The following VPS13B variants were observed in gnomAD, a reference collection of about 807,000 sequenced individuals.
VPS13B encodes the protein intermembrane lipid transfer protein VPS13B.
In VPS13B, 285 loss-of-function variants were observed where a neutral mutation model predicts 426.4. The ratio of observed to expected loss-of-function variants is 0.67; its 90% CI spans 0.61 to 0.74. The LOEUF (loss-of-function observed/expected upper bound fraction) is 0.74. Ranked by LOEUF, VPS13B falls within the 30% of genes least tolerant of loss-of-function variation. The pLI, the probability that VPS13B is intolerant of heterozygous loss-of-function variation, is 0.00. For missense variants in VPS13B, 4,537 were observed against 4,782.6 expected (o/e 0.95, Z 1.51); for synonymous variants, 1,676 against 1,676.4 (o/e 1.00, Z 0.01).
At chr8:99,232,609 G>A (rs1763683308) in intron 17 of VPS13B, among the ~76,000 whole-genome samples, 1 of 152,170 alleles carries the variant, frequency 6.6e-6, no homozygotes, top group Non-Finnish European at 1.5e-5. Context: ...GGCACCCTGC[G>A]TAACCCGCAG....
chr8:99,855,281 C>A (rs895015796), intron 56 of VPS13B, among the ~76,000 whole-genome samples: 10 of 152,086 alleles, frequency 6.6e-5, no homozygotes, highest in African/African-American at 2.4e-4. Flanking sequence ...ACTACTGAGG[C>A]TGAGGTGGGA....
chr8:99,228,840 C>T (rs185008545), intron 17 of VPS13B, among the ~76,000 whole-genome samples: 97 of 151,874 alleles, frequency 6.4e-4, no homozygotes, highest in Middle Eastern at 3.4e-3. Context: ...AAAAGGAAGC[C>T]GTGAGAAAAC....
rs1015938427 is a variant in VPS13B, at chr8:99,857,681, G to A, written c.10868-1623G>A. 2.1e-4 allele frequency among the ~76,000 whole-genome samples: 32 copies of A among 152,178 alleles called. No individual in the cohort carries two copies. In the South Asian group the frequency reaches 2.3e-3, roughly 11 times the overall value. On this transcript the variant is annotated intron_variant, in intron 56 of 61. Transcript: ENST00000357162. Reference sequence around the variant, plus strand: ...TCCTCCTTTTCCTGCCTGTGAGGCCGTGGAAGCAGTACCACCATGTTGCAT... The same window carrying A: ...TCCTCCTTTTCCTGCCTGTGAGGCCATGGAAGCAGTACCACCATGTTGCAT...
intron 24 of VPS13B, among the ~76,000 whole-genome samples, chr8:99,479,150 T>TG (rs1819904922): frequency 6.6e-6 from 1 of 152,188 alleles, no homozygotes; most frequent in South Asian, 2.1e-4. Flanking sequence ...GATCATCCCC[T>TG]GCGCTTGGCT....
At chr8:99,863,223 A>G (rs1412960675) in intron 58 of VPS13B, among the ~76,000 whole-genome samples, 2 of 152,152 alleles carry the variant, frequency 1.3e-5, no homozygotes, top group South Asian at 4.1e-4. Flanking sequence ...TATCATTATC[A>G]TAGTATGGTA....
chr8:99,058,833 A>G (rs879614374), intron 3 of VPS13B, among the ~76,000 whole-genome samples: 6 of 152,282 alleles, frequency 3.9e-5, no homozygotes, highest in Non-Finnish European at 8.8e-5. Context: ...ATGGAATTTT[A>G]CTTTAGGATG....
chr8:99,240,854 T>A (rs1249614512), intron 17 of VPS13B: 1 of 152,664 alleles, frequency 6.6e-6, no homozygotes, highest in Admixed American at 6.5e-5. Context: ...TATTGTTCTC[T>A]CTGGACCTGT....
intron 19 of VPS13B, among the ~76,000 whole-genome samples, chr8:99,325,322 A>G (rs2133138705): frequency 6.6e-6 from 1 of 152,296 alleles, no homozygotes; most frequent in East Asian, 1.9e-4. Context: ...CTCACCGTCA[A>G]TCACAGAATT....
chr8:99,042,946 GTAAT>G (rs1843040445), intron 3 of VPS13B, among the ~76,000 whole-genome samples: 1 of 152,140 alleles, frequency 6.6e-6, no homozygotes. Flanking sequence ...CTGTGTCAGT[GTAAT>G]TAGACTTAAA....
chr8:99,763,204 A>G (rs1444902421), intron 39 of VPS13B, among the ~76,000 whole-genome samples: 1 of 150,068 alleles, frequency 6.7e-6, no homozygotes, highest in Non-Finnish European at 1.5e-5. Flanking sequence ...AAGTTAATGG[A>G]GCTAGGATTT....
rs570605869 is a variant in VPS13B at position 99,845,639 on chromosome 8, G to A, written c.9943-3137G>A. 1.7e-3 allele frequency among the ~76,000 whole-genome samples: 255 copies of A among 152,288 alleles called. 1 individual carries two copies. Among genetic ancestry groups the A allele is most frequent in the African/African-American group, 5.3e-3 (222 of 41,552 alleles). On this transcript the variant is annotated intron_variant, in intron 54 of 61. Transcript: ENST00000357162. ...GATGTCATGTTAGCTGAAGAAAGTC[G>A]CATAGCCACGCCCAATGTCAGTATG...
At chr8:99,117,223 G>A (rs1847704475) in intron 7 of VPS13B, among the ~76,000 whole-genome samples, 1 of 151,984 alleles carries the variant, frequency 6.6e-6, no homozygotes, top group Non-Finnish European at 1.5e-5. Flanking sequence ...TAGCAAACAA[G>A]CAAATCAAAA....
chr8:99,090,419 C>A (rs1563533936), intron 3 of VPS13B, among the ~76,000 whole-genome samples: 1 of 152,042 alleles, frequency 6.6e-6, no homozygotes. Context: ...AGGTGCAAAG[C>A]ACCACGCCCA....
chr8:99,663,038 CAG>C (rs1830303697), intron 35 of VPS13B, among the ~76,000 whole-genome samples: 1 of 151,914 alleles, frequency 6.6e-6, no homozygotes, highest in African/African-American at 2.4e-5. Flanking sequence ...GCTTGGGCAA[CAG>C]AGCAAGACTC....
At chr8:99,543,666 A>G (rs1306978264) in intron 30 of VPS13B, among the ~76,000 whole-genome samples, 1 of 149,862 alleles carries the variant, frequency 6.7e-6, no homozygotes, top group African/African-American at 2.4e-5. Context: ...ATGAACAGAC[A>G]CTTCTCAAAA....
chr8:99,695,285 C>T (rs1388506376), intron 35 of VPS13B, among the ~76,000 whole-genome samples: 1 of 148,278 alleles, frequency 6.7e-6, no homozygotes, highest in Non-Finnish European at 1.5e-5. Flanking sequence ...ATAGCAAAGA[C>T]TTGGAACCAA....
chr8:99,501,896 G>GTCCCTCCCTCCCTCCCTCCC (rs554230536), intron 26 of VPS13B, 38 bp downstream of exon 26: 4 of 1,389,794 alleles, frequency 2.9e-6, no homozygotes, highest in African/African-American at 2.0e-5. Flanking sequence ...CCCTCCCTCT[G>GTCCCTCCCTCCCTCCCTCCC]TCCCTCCCTC....
intron 2 of VPS13B, among the ~76,000 whole-genome samples, chr8:99,022,516 A>G (rs1345368926): frequency 6.6e-6 from 1 of 152,204 alleles, no homozygotes; most frequent in East Asian, 1.9e-4. Context: ...ATTAAAATGT[A>G]TAAATATATA....
At position 99,442,761 on chromosome 8, in the gene VPS13B, A is replaced by G. The variant is rs1383657411; in HGVS notation, c.3445+126A>G. The G allele has an allele frequency of 6.6e-6, 6 of 914,450 alleles. No individual in the cohort carries two copies. In the East Asian group the frequency reaches 1.3e-4, roughly 20 times the overall value. 56.6% of individuals were successfully genotyped at this position (914,450 alleles called of 1,614,324 possible). ...CTCATTGAAAGATTTTTCCTGACCA[A>G]AGTAAGTGAACTAAGTGATGCCATT... On this transcript the variant is annotated intron_variant, in intron 23 of 61. Transcript: ENST00000357162.
Sources: gnomAD v4.1 joint callset for allele counts (sites outside exome capture counted in the v4.1 genomes callset) on GRCh38, gnomAD v4.1.1 for gene constraint, MANE v1.5 for transcripts, NCBI Gene and HGNC (gene_info 2026-07-23, HGNC 2026-07-21) for gene names.